The following INPP5D variants were observed in gnomAD, a reference collection of about 807,000 sequenced individuals.
The protein encoded by INPP5D is phosphatidylinositol 3,4,5-trisphosphate 5-phosphatase 1.
A neutral mutation model predicts 122.9 loss-of-function variants in INPP5D; 33 were observed. The observed-to-expected ratio is 0.27, with a 90% confidence interval of 0.20 to 0.36. The LOEUF is 0.36. INPP5D is among the 10% of genes least tolerant of loss of function. The pLI, the probability that INPP5D is intolerant of heterozygous loss-of-function variation, is 1.00. For missense variants in INPP5D, 1,053 were observed against 1,412.7 expected, an observed-to-expected ratio of 0.75 and a Z score of 4.08; for synonymous variants, 584 against 576.2, an observed-to-expected ratio of 1.01 and a Z score of -0.19.
chr2:233,072,132 G>A (rs1001314963), intron 1 of INPP5D, among the ~76,000 whole-genome samples: 1 of 152,218 alleles, frequency 6.6e-6, no homozygotes, highest in Non-Finnish European at 1.5e-5. Context: ...GCATGGGATA[G>A]CCTCTGTCAC....
chr2:233,069,136 G>A (rs55816734), intron 1 of INPP5D, among the ~76,000 whole-genome samples: 8,008 of 152,276 alleles, frequency 0.053, 551 homozygotes, highest in African/African-American at 0.16. Context: ...TCAGGCTCCT[G>A]TTGTCCCCTT....
At chr2:233,083,911 T>C (rs1691758720) in intron 2 of INPP5D, among the ~76,000 whole-genome samples, 1 of 152,216 alleles carries the variant, frequency 6.6e-6, no homozygotes, top group African/African-American at 2.4e-5. Flanking sequence ...CCGAGAGGAA[T>C]AAAGCAGAAA....
chr2:233,204,073 C>G (rs1221978474), intron 25 of INPP5D, 53 bp from the exon 26 acceptor site: 1 of 1,454,956 alleles, frequency 6.9e-7, no homozygotes, highest in Non-Finnish European at 9.1e-7. Flanking sequence ...CAGCCATGCT[C>G]CCATGTCTTC....
chr2:233,101,111 G>T (rs1286647050), intron 2 of INPP5D, among the ~76,000 whole-genome samples: 1 of 152,182 alleles, frequency 6.6e-6, no homozygotes, highest in Admixed American at 6.5e-5. Context: ...CTGAAGGGAT[G>T]ATTTTGCCAA....
rs2106259769 is a variant in INPP5D, at chr2:233,125,831, T to G, written c.436T>G (p.Ser146Ala). ...SSCEAKEVPF[S>A]NENPRATETS... ...CTGTGAGGCCAAGGAGGTTCCTTTT[T>G]CAAACGAGAATCCCCGAGCGACCGA... The change falls in exon 4 of 27, where the codon TCA (serine) becomes GCA (alanine). Residue 146 changes from serine to alanine, a missense_variant. Around this residue, in one of 6 missense-constraint regions of INPP5D, gnomAD observed 196 missense variants for 175.6 expected, o/e 1.12. Coordinates refer to ENST00000445964, the MANE Select transcript of INPP5D (RefSeq NM_001017915.3). 3.1e-6 allele frequency: 5 copies of G among 1,613,770 alleles called. No homozygotes were observed. The East Asian group carries it at 1.1e-4, about 36-fold the overall frequency.
chr2:233,185,754 C>T, intron 20 of INPP5D, 89 bp from the exon 21 acceptor site: 4 of 1,206,056 alleles, frequency 3.3e-6, no homozygotes, highest in South Asian at 2.9e-5. Flanking sequence ...AGCACATCTT[C>T]CTAGGTCTGG....
In INPP5D at chr2:233,125,836, C is replaced by T. The variant is rs766394970; in HGVS notation, c.441C>T (p.Asn147=). 32 of 1,613,692 alleles carry T rather than the reference C, an allele frequency of 2.0e-5. No individual in the cohort carries two copies. The highest frequency in any genetic ancestry group is 1.1e-4 in the East Asian group (5 of 44,878). Residue 147 remains asparagine (N), a synonymous_variant, in exon 4 of 27, where the codon AAC becomes AAT. Transcript: ENST00000445964. The part of the protein sequence containing the change: ...SCEAKEVPFS[N]ENPRATETSR... Reference sequence around the variant, plus strand: ...AGGCCAAGGAGGTTCCTTTTTCAAACGAGAATCCCCGAGCGACCGAGACCA... The same window carrying T: ...AGGCCAAGGAGGTTCCTTTTTCAAATGAGAATCCCCGAGCGACCGAGACCA...
chr2:233,183,647 G>C lies in INPP5D; in HGVS notation c.2162-761G>C, dbSNP rs976621782. On this transcript the variant is annotated intron_variant, in intron 19 of 26. Transcript: ENST00000445964. This position sits in a 1 kb window ranked among gnomAD's most constrained non-coding sequence, Gnocchi z 4.6. ...CATGTCAGGCTGGGCTTCCCTCCAC[G>C]GGGGATCAGTACACAGCAGATGCTG... Among the ~76,000 whole-genome samples, 1 of 152,176 alleles carries C rather than the reference G, an allele frequency of 6.6e-6. No homozygotes were observed. Among genetic ancestry groups the C allele is most frequent in the Non-Finnish European group, 1.5e-5 (1 of 68,030 alleles).
intron 17 of INPP5D, among the ~76,000 whole-genome samples, chr2:233,174,403 T>C (rs1457484112): frequency 1.3e-5 from 2 of 152,206 alleles, no homozygotes; most frequent in African/African-American, 4.8e-5. Context: ...AGGACCTCTG[T>C]CCTATATGCA....
chr2:233,162,045 G>A (rs748898463), intron 11 of INPP5D, among the ~76,000 whole-genome samples: 1 of 152,010 alleles, frequency 6.6e-6, no homozygotes, highest in South Asian at 2.1e-4. Context: ...TGGGACTATC[G>A]TACCCCAAGA....
chr2:233,107,403 C>T (rs1692497829), intron 2 of INPP5D, among the ~76,000 whole-genome samples: 1 of 152,164 alleles, frequency 6.6e-6, no homozygotes, highest in African/African-American at 2.4e-5. Flanking sequence ...TAGATCTCCC[C>T]ATGGGCAAGG....
intron 13 of INPP5D, among the ~76,000 whole-genome samples, chr2:233,167,647 A>G (rs11889446): frequency 0.27 from 41,457 of 152,030 alleles, 5,845 homozygotes; most frequent in East Asian, 0.53. Flanking sequence ...GGGTCCTGAC[A>G]AGGTTGAGCC....
At chr2:233,147,937 G>A (rs1339579103) in intron 9 of INPP5D, among the ~76,000 whole-genome samples, 1 of 152,240 alleles carries the variant, frequency 6.6e-6, no homozygotes. Flanking sequence ...TAGCAGCTGT[G>A]TGACCTGGGA....
chr2:233,110,370 AT>A (rs566536133), intron 2 of INPP5D, among the ~76,000 whole-genome samples: 2,580 of 149,368 alleles, frequency 0.017, 60 homozygotes, highest in African/African-American at 0.056. Flanking sequence ...TTTTATTTTT[AT>A]TTTTTTTTAA....
intron 8 of INPP5D, among the ~76,000 whole-genome samples, chr2:233,146,867 C>T (rs762019009): frequency 7.2e-5 from 11 of 152,170 alleles, no homozygotes; most frequent in Non-Finnish European, 1.2e-4. Context: ...TTCTTCTTTA[C>T]AATCCCCAGA....
In INPP5D at chr2:233,189,796, C is replaced by T; in HGVS notation, c.2359-54C>T. 6.3e-7 allele frequency: 1 copy of T among 1,595,150 alleles called. No individual in the cohort carries two copies. The highest frequency in any genetic ancestry group is 8.5e-7 in the Non-Finnish European group (1 of 1,171,180). ...TTCATCCACTTGTCCACCCACCTGTCCCCTCACCTGTCCCTTGCCCATCAA... is the reference window on the plus strand; with the variant it reads ...TTCATCCACTTGTCCACCCACCTGTTCCCTCACCTGTCCCTTGCCCATCAA... On this transcript the variant is annotated intron_variant, in intron 21 of 26. Coordinates refer to ENST00000445964, the MANE Select transcript of INPP5D (RefSeq NM_001017915.3). This position sits in a 1 kb window ranked among gnomAD's most constrained non-coding sequence, Gnocchi z 5.6.
chr2:233,107,143 G>C (rs1692487174), intron 2 of INPP5D, among the ~76,000 whole-genome samples: 1 of 152,230 alleles, frequency 6.6e-6, no homozygotes, highest in African/African-American at 2.4e-5. Flanking sequence ...CCATGTCTGA[G>C]AGTTGACCTG....
chr2:233,117,309 G>C (rs754278585), intron 2 of INPP5D, among the ~76,000 whole-genome samples: 30 of 152,286 alleles, frequency 2.0e-4, no homozygotes, highest in African/African-American at 7.0e-4. Context: ...GGGGACGCAG[G>C]CATTTGTTTT....
chr2:233,177,423 C>T lies in INPP5D; in HGVS notation c.2071+77C>T. 6.2e-7 allele frequency: 1 copy of T among 1,608,220 alleles called. No homozygotes were observed. The highest frequency in any genetic ancestry group is 1.1e-5 in the South Asian group (1 of 90,680). On this transcript the variant is annotated intron_variant, in intron 18 of 26. Coordinates refer to ENST00000445964, the MANE Select transcript of INPP5D (RefSeq NM_001017915.3). This position sits in a 1 kb window ranked among gnomAD's most constrained non-coding sequence, Gnocchi z 4.2. ...CTGGGAGGTGTGACTGCCCTAAAATCTAAGGGCTTCAGTCTGTTGATGTGT... is the reference window on the plus strand; with the variant it reads ...CTGGGAGGTGTGACTGCCCTAAAATTTAAGGGCTTCAGTCTGTTGATGTGT...
Sources: allele counts gnomAD v4.1 joint callset (sites outside exome capture counted in the v4.1 genomes callset), GRCh38; gene constraint gnomAD v4.1.1; regional missense constraint gnomAD v4.1.1; non-coding constraint Gnocchi (gnomAD v3.1); transcripts MANE v1.5; gene names NCBI Gene and HGNC (gene_info 2026-07-23, HGNC 2026-07-21).